The following SORCS1 variants were observed in gnomAD, a reference collection of about 807,000 sequenced individuals.
SORCS1 encodes sortilin related VPS10 domain containing receptor 1, also known as VPS10 domain-containing receptor SorCS1.
A neutral mutation model predicts 146.1 loss-of-function variants in SORCS1; 60 were observed. That is an observed-to-expected ratio of 0.41 (90% CI 0.33 to 0.51). The LOEUF is 0.51. Among genes scored for constraint, SORCS1 ranks in the 20% least tolerant of loss-of-function variants. The pLI is 0.21. For missense variants in SORCS1, 1,352 were observed against 1,487.6 expected (o/e 0.91, Z 1.50); for synonymous variants, 637 against 584.0 (o/e 1.09, Z -1.31).
chr10:106,707,956 T>C (rs772868679), intron 7 of SORCS1, among the ~76,000 whole-genome samples: 1 of 152,204 alleles, frequency 6.6e-6, no homozygotes, highest in Admixed American at 6.5e-5. Flanking sequence ...TTCACCGTCA[T>C]GTGGCCAGAT....
intron 1 of SORCS1, among the ~76,000 whole-genome samples, chr10:107,062,650 G>A (rs1424425943): frequency 6.6e-6 from 1 of 152,126 alleles, no homozygotes; most frequent in Non-Finnish European, 1.5e-5. Flanking sequence ...ACCCCAGGGA[G>A]ACTTTGCCAC....
rs1418263458 is a variant in SORCS1, at chr10:106,652,533, T to C, written c.2324A>G (p.Asn775Ser). 2 of 1,613,546 alleles carry C rather than the reference T, an allele frequency of 1.2e-6. No individual in the cohort carries two copies. Among genetic ancestry groups the C allele is most frequent in the African/African-American group, 1.3e-5 (1 of 74,940 alleles). The change falls in exon 18 of 26, where the codon AAT (asparagine) becomes AGT (serine). Residue 775 changes from asparagine to serine, a missense_variant. By Grantham distance (46) the Asn-to-Ser change is conservative. Transcript: ENST00000263054. The stretch of plus-strand genomic sequence containing the variant: ...TTCCCTTACGCCATCAGTGCAATTA[T>C]TGGAAACCACCTTCCTGTACCTAAA... Reference protein sequence around the residue: ...NSTGYRKVVSNNCTDGVREQY... With the variant: ...NSTGYRKVVSSNCTDGVREQY...
At chr10:106,763,208 CTG>C (rs1396062139) in intron 4 of SORCS1, among the ~76,000 whole-genome samples, 2 of 152,250 alleles carry the variant, frequency 1.3e-5, no homozygotes, top group East Asian at 3.9e-4. Flanking sequence ...TATATAAACT[CTG>C]TGTGCTCCTA....
intron 1 of SORCS1, among the ~76,000 whole-genome samples, chr10:107,057,398 C>A (rs1960750976): frequency 6.6e-6 from 1 of 152,168 alleles, no homozygotes; most frequent in African/African-American, 2.4e-5. Context: ...TCTTTATATA[C>A]CTGGCATTAT....
chr10:107,007,718 C>T (rs1411927840), intron 1 of SORCS1, among the ~76,000 whole-genome samples: 4 of 152,206 alleles, frequency 2.6e-5, no homozygotes, highest in Non-Finnish European at 5.9e-5. Flanking sequence ...AAACTCAGAC[C>T]TGTGTTTGTC....
At chr10:106,693,133 T>G (rs1025220556) in intron 9 of SORCS1, among the ~76,000 whole-genome samples, 3 of 152,170 alleles carry the variant, frequency 2.0e-5, no homozygotes, top group Non-Finnish European at 4.4e-5. Flanking sequence ...TATGCAAATA[T>G]TGCAAAATCC....
intron 18 of SORCS1, among the ~76,000 whole-genome samples, chr10:106,646,991 A>ATG (rs1324746365): frequency 1.9e-3 from 225 of 116,424 alleles, no homozygotes; most frequent in African/African-American, 6.8e-3. Flanking sequence ...ATGTATATAT[A>ATG]TGTGTGTTTG....
At chr10:106,687,604 A>T (rs1189484594) in intron 10 of SORCS1, among the ~76,000 whole-genome samples, 1 of 152,214 alleles carries the variant, frequency 6.6e-6, no homozygotes, top group Non-Finnish European at 1.5e-5. Context: ...TAGAAAAACA[A>T]GTGGTGGGCC....
intron 1 of SORCS1, among the ~76,000 whole-genome samples, chr10:106,986,337 C>T (rs1956469276): frequency 6.6e-6 from 1 of 151,938 alleles, no homozygotes; most frequent in Non-Finnish European, 1.5e-5. Context: ...GTTTAAAAAA[C>T]TTACATATTT....
At chr10:106,691,419 T>G (rs1229412854) in intron 9 of SORCS1, among the ~76,000 whole-genome samples, 3 of 152,236 alleles carry the variant, frequency 2.0e-5, no homozygotes, top group African/African-American at 7.2e-5. Context: ...GTCCCTTTGC[T>G]TCTCCTACAG....
chr10:106,898,306 C>T (rs905575111), intron 2 of SORCS1, among the ~76,000 whole-genome samples: 6 of 152,282 alleles, frequency 3.9e-5, no homozygotes, highest in African/African-American at 1.4e-4. Flanking sequence ...TTAAAATAAA[C>T]CCACTTACAG....
intron 2 of SORCS1, among the ~76,000 whole-genome samples, chr10:106,948,352 A>G (rs1318526605): frequency 6.6e-6 from 1 of 151,558 alleles, no homozygotes; most frequent in Non-Finnish European, 1.5e-5. Flanking sequence ...TACTTTTGTG[A>G]TTTTTTTTAA....
intron 2 of SORCS1, among the ~76,000 whole-genome samples, chr10:106,934,268 C>CT (rs977174922): frequency 1.3e-5 from 2 of 151,156 alleles, no homozygotes; most frequent in Non-Finnish European, 2.9e-5. Flanking sequence ...TTATTTATTT[C>CT]TTTTTTTTAG....
chr10:106,766,120 C>A (rs918040128), intron 4 of SORCS1, among the ~76,000 whole-genome samples: 1 of 152,110 alleles, frequency 6.6e-6, no homozygotes, highest in Non-Finnish European at 1.5e-5. Flanking sequence ...CCTTAGGAGG[C>A]GCCTGTGTTG....
chr10:106,832,612 G>GT (rs1432379141), intron 2 of SORCS1, among the ~76,000 whole-genome samples: 1 of 151,926 alleles, frequency 6.6e-6, no homozygotes, highest in Non-Finnish European at 1.5e-5. Context: ...TTATTGTACA[G>GT]TTTTTTCTAT....
chr10:106,727,794 G>A (rs536250333), intron 6 of SORCS1, among the ~76,000 whole-genome samples: 2 of 152,254 alleles, frequency 1.3e-5, no homozygotes, highest in East Asian at 3.9e-4. Context: ...GATTGGTCAG[G>A]GTATGGGCAA....
intron 1 of SORCS1, among the ~76,000 whole-genome samples, chr10:107,105,179 T>A (rs1207897112): frequency 6.6e-6 from 1 of 152,158 alleles, no homozygotes; most frequent in East Asian, 1.9e-4. Flanking sequence ...AAATGAGTTC[T>A]GGGGGCGAAC....
the SORCS1 span, among the ~76,000 whole-genome samples, chr10:107,177,806 G>A: frequency 2.0e-5 from 3 of 152,186 alleles, no homozygotes; most frequent in Non-Finnish European, 2.9e-5. Context: ...ATACACTGTG[G>A]AATACTATGC....
At chr10:106,869,554 A>G (rs896151352) in intron 2 of SORCS1, among the ~76,000 whole-genome samples, 2 of 152,230 alleles carry the variant, frequency 1.3e-5, no homozygotes, top group African/African-American at 4.8e-5. Flanking sequence ...AAATCAATAA[A>G]TGTGATTCAT....
Sources: gnomAD v4.1 joint callset for allele counts (sites outside exome capture counted in the v4.1 genomes callset) on GRCh38, gnomAD v4.1.1 for gene constraint, MANE v1.5 for transcripts, NCBI Gene and HGNC (gene_info 2026-07-23, HGNC 2026-07-21) for gene names.